OGDH: variants seen among roughly 807,000 people sequenced by gnomAD.
OGDH encodes oxoglutarate dehydrogenase.
Under a neutral mutation model 116.6 loss-of-function variants are expected in OGDH, and 38 were observed. The observed-to-expected ratio is 0.33, with a 90% CI of 0.25 to 0.43. The LOEUF (loss-of-function observed/expected upper bound fraction) is 0.43. Ranked by LOEUF, OGDH falls within the 20% of genes least tolerant of loss-of-function variation. The pLI is 1.00. For synonymous variants in OGDH, 488 were observed against 533.3 expected (o/e 0.92, Z 1.17); for missense variants, 825 against 1,357.2 (o/e 0.61, Z 6.16).
At chr7:44,620,515 A>G (rs1194554109) in intron 1 of OGDH, among the ~76,000 whole-genome samples, 1 of 152,232 alleles carries the variant, frequency 6.6e-6, no homozygotes, top group African/African-American at 2.4e-5. Context: ...TTGTTTGTAT[A>G]TGTCTATGCA....
intron 1 of OGDH, among the ~76,000 whole-genome samples, chr7:44,613,350 G>C (rs1784640418): frequency 6.6e-6 from 1 of 151,088 alleles, no homozygotes; most frequent in South Asian, 2.1e-4. Context: ...TGTTTTGTTT[G>C]TTTGTTTATT....
chr7:44,697,625 T>A lies in OGDH; in HGVS notation c.2201T>A (p.Met734Lys). The A allele has an allele frequency of 6.2e-7, 1 of 1,614,268 alleles. No homozygotes were observed. Among genetic ancestry groups the A allele is most frequent in the Non-Finnish European group, 8.5e-7 (1 of 1,180,046 alleles). The change falls in exon 17 of 23, where the codon ATG becomes AAG. Residue 734 changes from methionine to lysine, a missense_variant. This residue lies in a region of OGDH where 73 missense variants were observed against 182.3 expected (regional missense o/e 0.40). Transcript: ENST00000222673. The surrounding 1 kb of genome is among the most constrained non-coding windows in gnomAD (Gnocchi z 6.0). ...GTAGGCTTTGAGCTGGGCTTCGCCATGGCCAGTCCTAATGCCCTGGTCCTC... is the reference window on the plus strand; with the variant it reads ...GTAGGCTTTGAGCTGGGCTTCGCCAAGGCCAGTCCTAATGCCCTGGTCCTC... ...GVLGFELGFAMASPNALVLWE... is the reference protein window; with the variant it reads ...GVLGFELGFAKASPNALVLWE...
chr7:44,637,398 T>C (rs1204838651), intron 2 of OGDH, among the ~76,000 whole-genome samples: 3 of 152,272 alleles, frequency 2.0e-5, no homozygotes, highest in Non-Finnish European at 4.4e-5. Context: ...TTTCTTATTC[T>C]TGTTAAGAGT....
chr7:44,651,097 T>C (rs1475052201), intron 4 of OGDH, among the ~76,000 whole-genome samples: 1 of 152,234 alleles, frequency 6.6e-6, no homozygotes, highest in Non-Finnish European at 1.5e-5. Context: ...CAGGAGCCGT[T>C]GGCAAAGCCA....
intron 18 of OGDH, among the ~76,000 whole-genome samples, chr7:44,699,934 T>C (rs1482324090): frequency 2.0e-5 from 3 of 151,880 alleles, no homozygotes; most frequent in Non-Finnish European, 2.9e-5. Flanking sequence ...GAACTCAGAG[T>C]GAGAGCTCAC....
intron 20 of OGDH, among the ~76,000 whole-genome samples, chr7:44,705,274 G>C (rs942484060): frequency 2.0e-5 from 3 of 147,242 alleles, no homozygotes; most frequent in African/African-American, 7.6e-5. Context: ...GGATGGTCTC[G>C]ATCTCCTGAC....
chr7:44,640,859 T>C (rs1785899327), intron 2 of OGDH, among the ~76,000 whole-genome samples: 1 of 151,604 alleles, frequency 6.6e-6, no homozygotes, highest in African/African-American at 2.4e-5. Context: ...GGAGCAAGTT[T>C]GGGGTAAAGA....
chr7:44,638,372 G>A (rs1785769552), intron 2 of OGDH, among the ~76,000 whole-genome samples: 1 of 152,180 alleles, frequency 6.6e-6, no homozygotes, highest in Non-Finnish European at 1.5e-5. Flanking sequence ...AAGTCTGACT[G>A]CCTCCATTTC....
chr7:44,700,576 T>C (rs774078092), intron 19 of OGDH, among the ~76,000 whole-genome samples: 9 of 152,128 alleles, frequency 5.9e-5, no homozygotes, highest in Non-Finnish European at 1.0e-4. Context: ...CAGGTGGTCA[T>C]AGGGGGTGTG....
chr7:44,686,457 TG>T (rs1186518793), intron 10 of OGDH, among the ~76,000 whole-genome samples: 1 of 152,208 alleles, frequency 6.6e-6, no homozygotes, highest in African/African-American at 2.4e-5. Flanking sequence ...GTGGAATTTT[TG>T]TCTTATGTTC....
intron 1 of OGDH, among the ~76,000 whole-genome samples, chr7:44,610,356 G>A (rs1308874473): frequency 6.6e-6 from 1 of 152,074 alleles, no homozygotes; most frequent in African/African-American, 2.4e-5. Flanking sequence ...TGTCCCCCAG[G>A]CTGGAGTGCA....
chr7:44,616,838 CATATACGTGTATATATATACACATAT>C (rs1562611192), intron 1 of OGDH, among the ~76,000 whole-genome samples: 4 of 123,272 alleles, frequency 3.2e-5, no homozygotes, highest in African/African-American at 1.4e-4. Flanking sequence ...TATATATACA[CATATACGTGTATATATATACACATAT>C]ATATATACGT....
intron 4 of OGDH, among the ~76,000 whole-genome samples, chr7:44,652,000 A>G (rs914614680): frequency 2.6e-5 from 4 of 151,752 alleles, no homozygotes; most frequent in Admixed American, 2.6e-4. Flanking sequence ...CACCGTGCCC[A>G]GCCTAGTGAT....
chr7:44,671,219 G>T (rs1787435728), intron 5 of OGDH, among the ~76,000 whole-genome samples: 1 of 152,108 alleles, frequency 6.6e-6, no homozygotes, highest in African/African-American at 2.4e-5. Context: ...GCAGAGGGGA[G>T]CCTGCTTGTG....
At chr7:44,645,544 C>T (rs570813448) in intron 3 of OGDH, 26 bp downstream of exon 3, 31 of 1,607,894 alleles carry the variant, frequency 1.9e-5, no homozygotes, top group South Asian at 1.3e-4. Context: ...TACCCGCACA[C>T]GGGAAAGGGT....
At chr7:44,643,916 C>G (rs1203582560) in intron 2 of OGDH, among the ~76,000 whole-genome samples, 1 of 151,634 alleles carries the variant, frequency 6.6e-6, no homozygotes, top group Non-Finnish European at 1.5e-5. Flanking sequence ...TTTTTTTAAA[C>G]TGATGTTTTG....
At chr7:44,624,619 T>G in intron 2 of OGDH, 54 bp downstream of exon 2, 1 of 1,495,750 alleles carries the variant, frequency 6.7e-7, no homozygotes, top group African/African-American at 1.4e-5. Context: ...GGCCTGTTCC[T>G]GACTGGTCAC....
At chr7:44,656,620 C>T (rs1034666135) in intron 4 of OGDH, among the ~76,000 whole-genome samples, 2 of 152,130 alleles carry the variant, frequency 1.3e-5, no homozygotes, top group Admixed American at 6.5e-5. Flanking sequence ...TGTGCTTCAT[C>T]GCTTCACTGT....
Position 44,696,036 on chromosome 7 carries a change from C to A in OGDH, c.1680C>A (p.Ser560=). 2 of 1,607,186 alleles carry A rather than the reference C, an allele frequency of 1.2e-6. No homozygotes were observed. Among genetic ancestry groups the A allele is most frequent in the South Asian group, 1.1e-5 (1 of 90,906 alleles). Residue 560 remains serine, a synonymous_variant, in exon 13 of 23, where the codon TCC becomes TCA. Transcript: ENST00000222673. ...VNQPEYEEEI[S]KYDKICEEAF... ...GCCCAACCCTCCAGGAGGAAATTTC[C>A]AAGTATGATAAGATCTGTGAGGAAG... is the stretch of plus-strand genomic sequence containing the variant.
Sources: allele counts gnomAD v4.1 joint callset (sites outside exome capture counted in the v4.1 genomes callset), GRCh38; gene constraint gnomAD v4.1.1; regional missense constraint gnomAD v4.1.1; non-coding constraint Gnocchi (gnomAD v3.1); transcripts MANE v1.5; gene names NCBI Gene and HGNC (gene_info 2026-07-23, HGNC 2026-07-21).